Variants in BIN1 observed in about 807,000 individuals in gnomAD.
BIN1 encodes bridging integrator 1, also known as myc box-dependent-interacting protein 1.
A neutral mutation model predicts 82.0 loss-of-function variants in BIN1; 53 were observed. The ratio of observed to expected loss-of-function variants is 0.65; its 90% confidence interval spans 0.52 to 0.81. The LOEUF (loss-of-function observed/expected upper bound fraction) is 0.81. Among genes scored for constraint, BIN1 ranks in the 40% least tolerant of loss-of-function variants. The pLI, the probability that BIN1 is intolerant of heterozygous loss-of-function variation, is 0.00. For synonymous variants in BIN1, 302 were observed against 328.0 expected, an observed-to-expected ratio of 0.92 and a Z score of 0.86; for missense variants, 642 against 784.4, an observed-to-expected ratio of 0.82 and a Z score of 2.17.
At chr2:127,064,515 C>A (rs1405012960) in intron 7 of BIN1, among the ~76,000 whole-genome samples, 8 of 152,226 alleles carry the variant, frequency 5.3e-5, no homozygotes, top group Admixed American at 4.6e-4. Context: ...TGAGGGCCAG[C>A]TCCTGGCAGC....
chr2:127,053,344 C>T, intron 14 of BIN1, 78 bp downstream of exon 14: 2 of 1,584,682 alleles, frequency 1.3e-6, no homozygotes, highest in Non-Finnish European at 1.7e-6. Flanking sequence ...TGTGAACAGG[C>T]TAGGAGCATG....
At chr2:127,060,473 G>C in intron 10 of BIN1, 1 of 1,431,754 alleles carries the variant, frequency 7.0e-7, no homozygotes, top group East Asian at 2.3e-5. Flanking sequence ...GCCCTGCCGG[G>C]CAGCACTGCA....
chr2:127,075,138 T>C (rs375605299), intron 2 of BIN1, among the ~76,000 whole-genome samples: 33 of 152,320 alleles, frequency 2.2e-4, no homozygotes, highest in African/African-American at 7.5e-4. Flanking sequence ...AGCCTGGATT[T>C]CAATCCCCAA....
Position 127,093,041 on chromosome 2 carries a change from G to T in BIN1, c.84+13819C>A, listed in dbSNP as rs565021165. ...CAAAGGAGTGGGGCACAGCCTGGGG[G>T]CCCCCCCACAGATGCCAGGTCAGCC... On this transcript the variant is annotated intron_variant, in intron 1 of 18. Coordinates refer to ENST00000316724, the MANE Select transcript of BIN1 (RefSeq NM_139343.3). The surrounding 1 kb of genome is among the most constrained non-coding windows in gnomAD (Gnocchi z 5.7). 6.6e-6 allele frequency among the ~76,000 whole-genome samples: 1 copy of T among 151,736 alleles called. No individual in the cohort carries two copies. Among genetic ancestry groups the T allele is most frequent in the African/African-American group, 2.4e-5 (1 of 41,338 alleles).
At chr2:127,091,020 C>A (rs1678856872) in intron 1 of BIN1, among the ~76,000 whole-genome samples, 1 of 152,186 alleles carries the variant, frequency 6.6e-6, no homozygotes. Flanking sequence ...CCAGGCTATT[C>A]ATTCCTTAAT....
intron 15 of BIN1, among the ~76,000 whole-genome samples, chr2:127,051,834 C>T (rs561931739): frequency 2.6e-5 from 4 of 152,320 alleles, no homozygotes; most frequent in East Asian, 1.9e-4. Flanking sequence ...TGACCTGGGC[C>T]GACACTCAGA....
In BIN1 at chr2:127,096,147, C is replaced by T. The variant is rs531983068; in HGVS notation, c.84+10713G>A. ...ATCTGGCCCCCTCCAGCCTCGGCCC[C>T]ACCTGCAATCTTTCGCCCTCTCCTC... is the stretch of plus-strand genomic sequence containing the variant. On this transcript the variant is annotated intron_variant, in intron 1 of 18. Transcript: ENST00000316724. Among the ~76,000 whole-genome samples, 31 of 152,308 alleles carry T rather than the reference C, an allele frequency of 2.0e-4. No homozygotes were observed. In the East Asian group the frequency reaches 6.0e-3, roughly 29 times the overall value.
chr2:127,055,210 C>A (rs1683490872), intron 12 of BIN1: 1 of 152,408 alleles, frequency 6.6e-6, no homozygotes, highest in African/African-American at 2.4e-5. Context: ...GGATGTGAGA[C>A]CTGGGGCTGT....
In BIN1 at chr2:127,053,308, T is replaced by TG. The variant is rs549145076; in HGVS notation, c.1263+113dup. On this transcript the variant is annotated intron_variant, in intron 14 of 18. Coordinates refer to ENST00000316724, the MANE Select transcript of BIN1 (RefSeq NM_139343.3). ...AGCACGTGCCTGTGTGTCCTGCGTG[T>TG]GGGGGGTGTGTGGGGTGCATGCACC... The TG allele has an allele frequency of 7.7e-5, 112 of 1,446,660 alleles. No homozygotes were observed. In the African/African-American group the frequency reaches 8.7e-4, roughly 11 times the overall value. The allele number at this position is 1,446,660 out of a possible 1,614,324, so 89.6% of individuals were successfully genotyped here. A position where few individuals can be genotyped will look rare whatever the true frequency, so the allele number is the denominator to read the frequency against.
chr2:127,076,749 GGA>G (rs1164339870), intron 1 of BIN1, 43 bp from the exon 2 acceptor site: 1 of 1,610,368 alleles, frequency 6.2e-7, no homozygotes. Context: ...ACCTTGGAAA[GGA>G]GAGTGGTCAA....
At chr2:127,070,117 C>T in intron 4 of BIN1, 27 bp from the exon 5 acceptor site, 1 of 1,603,428 alleles carries the variant, frequency 6.2e-7, no homozygotes, top group African/African-American at 1.3e-5. Context: ...CACGACAGTG[C>T]CACCAGGAGG....
At chr2:127,080,097 C>T (rs1238849398) in intron 1 of BIN1, among the ~76,000 whole-genome samples, 1 of 152,262 alleles carries the variant, frequency 6.6e-6, no homozygotes, top group Non-Finnish European at 1.5e-5. Context: ...CTCACTGCAC[C>T]TACCCCCATT....
In BIN1 at chr2:127,059,548, C is replaced by T. The variant is rs1389843932; in HGVS notation, c.858-393G>A. On this transcript the variant is annotated intron_variant, in intron 10 of 18. Transcript: ENST00000316724. This position sits in a 1 kb window ranked among gnomAD's most constrained non-coding sequence, Gnocchi z 6.7. ...TCCACAGCAGGAGAAAGCCAGACAT[C>T]CTAGAGGCACAGTGAGTCTCCCACA... Among the ~76,000 whole-genome samples the T allele has an allele frequency of 6.6e-6, 1 of 151,380 alleles. No individual in the cohort carries two copies. The highest frequency in any genetic ancestry group is 1.5e-5 in the Non-Finnish European group (1 of 68,000).
chr2:127,054,076 A>G, intron 12 of BIN1, 64 bp from the exon 13 acceptor site: 1 of 1,392,272 alleles, frequency 7.2e-7, no homozygotes. Context: ...CCCTCACCCC[A>G]GGCAGACACT....
At chr2:127,083,310 C>T (rs1687542387) in intron 1 of BIN1, among the ~76,000 whole-genome samples, 1 of 151,988 alleles carries the variant, frequency 6.6e-6, no homozygotes, top group African/African-American at 2.4e-5. Flanking sequence ...GAACTCCTAG[C>T]CTCAAGTGAT....
In BIN1 at chr2:127,102,573, C is replaced by A. The variant is rs755639; in HGVS notation, c.84+4287G>T. ...TCCTTCCCCATGCCCCATGCAGCCT[C>A]CCAAGTAGGCTGTGCCTGGACAAGT... On this transcript the variant is annotated intron_variant, in intron 1 of 18. Coordinates refer to ENST00000316724, the MANE Select transcript of BIN1 (RefSeq NM_139343.3). Among the ~76,000 whole-genome samples the A allele has an allele frequency of 0.56, 85,352 of 152,102 alleles. 24,185 individuals are homozygous for A. Among genetic ancestry groups the A allele is most frequent in the Middle Eastern group, 0.62 (180 of 292 alleles).
At chr2:127,050,647 G>C in intron 17 of BIN1, 125 bp from the exon 18 acceptor site, 1 of 1,337,896 alleles carries the variant, frequency 7.5e-7, no homozygotes, top group Middle Eastern at 1.8e-4. Context: ...AAAGCAGCAG[G>C]ACAGTATGGG....
chr2:127,050,802 CT>C lies in BIN1; in HGVS notation c.1571del (p.Lys524ArgfsTer26). ...RLDLPPGFMFKVQAQHDYTAT... is the reference protein window; with the variant it reads ...RLDLPPGFMFXVQAQHDYTAT... ...CAGCAGTCAGAGGCTGTGGGCTCAC[CT>C]TGAACATGAAACCTGGGGGCAGGTC... On this transcript the variant is annotated frameshift_variant and splice_region_variant, in exon 17 of 19. Coordinates refer to ENST00000316724, the MANE Select transcript of BIN1 (RefSeq NM_139343.3). LOFTEE classifies it high-confidence loss of function. 2.5e-6 allele frequency: 4 copies of C among 1,613,524 alleles called. No individual in the cohort carries two copies. The highest frequency in any genetic ancestry group is 2.5e-6 in the Non-Finnish European group (3 of 1,179,976).
intron 2 of BIN1, among the ~76,000 whole-genome samples, chr2:127,072,305 G>A (rs1685989137): frequency 6.6e-6 from 1 of 152,200 alleles, no homozygotes; most frequent in Non-Finnish European, 1.5e-5. Context: ...AGCCGGGGCT[G>A]CTCTTCCTGC....
Sources: gnomAD v4.1 joint callset for allele counts (sites outside exome capture counted in the v4.1 genomes callset) on GRCh38, gnomAD v4.1.1 for gene constraint, Gnocchi (gnomAD v3.1) non-coding constraint, MANE v1.5 for transcripts, NCBI Gene and HGNC (gene_info 2026-07-23, HGNC 2026-07-21) for gene names.